The following PLA2R1 variants were observed in gnomAD, a reference collection of about 807,000 sequenced individuals.
PLA2R1 encodes the protein phospholipase A2 receptor 1.
PLA2R1 carries 158 observed loss-of-function variants against 195.9 expected under a neutral mutation model. The observed-to-expected ratio is 0.81, with a 90% confidence interval of 0.71 to 0.92. The LOEUF (loss-of-function observed/expected upper bound fraction) is 0.92, where lower values mean the gene tolerates loss of function less well. PLA2R1 is among the 40% of genes least tolerant of loss of function. PLA2R1 has a pLI of 0.00. For missense variants in PLA2R1, 1,626 were observed against 1,764.6 expected (o/e 0.92, Z 1.41); for synonymous variants, 586 against 598.2 (o/e 0.98, Z 0.30).
chr2:160,059,188 C>G (rs1352633120), intron 1 of PLA2R1, among the ~76,000 whole-genome samples: 1 of 152,190 alleles, frequency 6.6e-6, no homozygotes, highest in Non-Finnish European at 1.5e-5. Context: ...AGGGGAGCAG[C>G]TGTAAATACA....
At chr2:160,056,120 C>A (rs1695520044) in intron 1 of PLA2R1, among the ~76,000 whole-genome samples, 1 of 152,196 alleles carries the variant, frequency 6.6e-6, no homozygotes, top group Non-Finnish European at 1.5e-5. Context: ...GCTTTCCCCA[C>A]TGCAGGTTGT....
At chr2:159,944,150 G>A (rs1275066697) in intron 28 of PLA2R1, among the ~76,000 whole-genome samples, 1 of 152,100 alleles carries the variant, frequency 6.6e-6, no homozygotes, top group Non-Finnish European at 1.5e-5. Context: ...CCTGACGTGA[G>A]CCCTTTGCTC....
intron 1 of PLA2R1, among the ~76,000 whole-genome samples, chr2:160,049,948 G>C (rs760789803): frequency 2.0e-5 from 3 of 152,162 alleles, no homozygotes; most frequent in Non-Finnish European, 4.4e-5. Context: ...AACACACACT[G>C]AGGCCTGTGG....
chr2:159,963,058 G>A (rs1026964313), intron 20 of PLA2R1, among the ~76,000 whole-genome samples: 1 of 152,128 alleles, frequency 6.6e-6, no homozygotes, highest in Non-Finnish European at 1.5e-5. Context: ...ACACATGAGA[G>A]GAGGCATGAG....
At chr2:160,020,060 AG>A in intron 8 of PLA2R1, 45 bp downstream of exon 8, 1 of 1,470,496 alleles carries the variant, frequency 6.8e-7, no homozygotes, top group East Asian at 2.3e-5. Flanking sequence ...GGTGGCCTTC[AG>A]TACAAGACCA....
chr2:160,048,838 A>ATT (rs1205003993), intron 1 of PLA2R1, among the ~76,000 whole-genome samples: 104 of 127,818 alleles, frequency 8.1e-4, no homozygotes, highest in East Asian at 3.9e-3. Flanking sequence ...TAGAAGAAAC[A>ATT]TTTTTTTTTT....
intron 12 of PLA2R1, 36 bp downstream of exon 12, chr2:159,987,120 G>C (rs1690402454): frequency 6.8e-7 from 1 of 1,463,292 alleles, no homozygotes; most frequent in Admixed American, 1.7e-5. Flanking sequence ...AATAGTGTTG[G>C]TCCTGTTAAG....
chr2:159,925,387 A>G, the PLA2R1 span, among the ~76,000 whole-genome samples: 12,568 of 152,176 alleles, frequency 0.083, 1,721 homozygotes, highest in African/African-American at 0.28. Flanking sequence ...AGATGTCAAT[A>G]TAAATACATT....
chr2:159,931,107 C>A (rs2125899238), downstream of PLA2R1, among the ~76,000 whole-genome samples: 1 of 152,344 alleles, frequency 6.6e-6, no homozygotes, highest in African/African-American at 2.4e-5. Context: ...GCCAAGCTAC[C>A]TGTGAAATAA....
At chr2:160,007,306 G>T (rs1352794586) in intron 10 of PLA2R1, among the ~76,000 whole-genome samples, 1 of 152,206 alleles carries the variant, frequency 6.6e-6, no homozygotes, top group East Asian at 1.9e-4. Flanking sequence ...GTGCTGGGAG[G>T]AGAAGGGCGG....
At chr2:159,993,477 C>CACA (rs1553458256) in intron 11 of PLA2R1, among the ~76,000 whole-genome samples, 1 of 151,520 alleles carries the variant, frequency 6.6e-6, no homozygotes, top group African/African-American at 2.4e-5. Flanking sequence ...CACACACACA[C>CACA]TTCCTAGATC....
intron 17 of PLA2R1, 152 bp downstream of exon 17, chr2:159,975,916 C>CA: frequency 1.5e-6 from 1 of 654,398 alleles, no homozygotes. Flanking sequence ...AAAAAATTCT[C>CA]AAAAATCTAT....
Position 159,945,946 on chromosome 2 carries a change from TAAAC to T in PLA2R1, c.3967+851_3967+854del, listed in dbSNP as rs1687360165. The T allele has an allele frequency of 1.1e-5, 10 of 908,078 alleles. No homozygotes were observed. The South Asian group carries it at 3.1e-4, about 28-fold the overall frequency. 56.3% of individuals were successfully genotyped at this position (908,078 alleles called of 1,614,324 possible). Reference sequence around the variant, plus strand: ...TAATCGATTTAAAGAAATCATTTGATAAACAAAACTAATCGAGTAAAGAAAAATC... The same window carrying T: ...TAATCGATTTAAAGAAATCATTTGATAAAACTAATCGAGTAAAGAAAAATC... On this transcript the variant is annotated intron_variant, in intron 27 of 29. Coordinates refer to ENST00000283243, the MANE Select transcript of PLA2R1 (RefSeq NM_007366.5).
chr2:160,024,036 GC>G (rs34322325), intron 6 of PLA2R1, among the ~76,000 whole-genome samples: 12,647 of 152,116 alleles, frequency 0.083, 1,648 homozygotes, highest in African/African-American at 0.28. Flanking sequence ...GACCCCTGCA[GC>G]CCCCACAGGC....
the PLA2R1 span, among the ~76,000 whole-genome samples, chr2:159,926,159 T>C: frequency 6.6e-6 from 1 of 152,250 alleles, no homozygotes; most frequent in Admixed American, 6.5e-5. Flanking sequence ...GGAGATTTTA[T>C]TTCACTAGCT....
chr2:160,002,292 C>T (rs1165193959), intron 11 of PLA2R1, among the ~76,000 whole-genome samples: 1 of 151,900 alleles, frequency 6.6e-6, no homozygotes, highest in Admixed American at 6.6e-5. Flanking sequence ...AAATACAACT[C>T]AAGCAGCACT....
intron 2 of PLA2R1, among the ~76,000 whole-genome samples, chr2:160,042,670 T>G (rs1694592195): frequency 6.6e-6 from 1 of 152,048 alleles, no homozygotes; most frequent in Non-Finnish European, 1.5e-5. Context: ...AAAGTTCCTT[T>G]ATGTGGAACT....
Position 159,955,482 on chromosome 2 carries a change from G to A in PLA2R1, c.3154-136C>T, listed in dbSNP as rs1688025507. 23 of 572,678 alleles carry A rather than the reference G, an allele frequency of 4.0e-5. No individual in the cohort carries two copies. The South Asian group carries it at 5.6e-4, about 14-fold the overall frequency. 35.5% of individuals were successfully genotyped at this position (572,678 alleles called of 1,614,324 possible). A position where few individuals can be genotyped will look rare whatever the true frequency, so the allele number is the denominator to read the frequency against. ...TCGCATTTAATAAACTTATTCACAAGTCATTTCATAACCTACAAAATAAAC... is the reference window on the plus strand; with the variant it reads ...TCGCATTTAATAAACTTATTCACAAATCATTTCATAACCTACAAAATAAAC... On this transcript the variant is annotated intron_variant, in intron 22 of 29. Transcript: ENST00000283243.
intron 6 of PLA2R1, among the ~76,000 whole-genome samples, chr2:160,024,370 T>C (rs1473886569): frequency 6.6e-6 from 1 of 152,176 alleles, no homozygotes; most frequent in East Asian, 1.9e-4. Context: ...TGGTTGTTGC[T>C]GTGCTGTGCC....
Sources: allele counts gnomAD v4.1 joint callset (sites outside exome capture counted in the v4.1 genomes callset), GRCh38; gene constraint gnomAD v4.1.1; transcripts MANE v1.5; gene names NCBI Gene and HGNC (gene_info 2026-07-23, HGNC 2026-07-21).